The following RORA variants were observed in gnomAD, a reference collection of about 807,000 sequenced individuals.
RORA encodes nuclear receptor ROR-alpha.
Under a neutral mutation model 69.5 loss-of-function variants are expected in RORA, and 7 were observed. The ratio of observed to expected loss-of-function variants is 0.10; its 90% CI spans 0.06 to 0.19. RORA has a LOEUF of 0.19. RORA is among the 10% of genes least tolerant of loss of function. The pLI, the probability that RORA is intolerant of heterozygous loss-of-function variation, is 1.00. For synonymous variants in RORA, 261 were observed against 240.8 expected (o/e 1.08, Z -0.78); for missense variants, 457 against 663.0 (o/e 0.69, Z 3.41).
At chr15:60,740,334 C>T (rs763474489) in intron 1 of RORA, among the ~76,000 whole-genome samples, 2 of 152,148 alleles carry the variant, frequency 1.3e-5, no homozygotes, top group South Asian at 2.1e-4. Context: ...GCCCATCAAG[C>T]GAGAACTGAA....
intron 1 of RORA, among the ~76,000 whole-genome samples, chr15:60,935,381 G>C (rs1333853643): frequency 1.3e-5 from 2 of 152,220 alleles, no homozygotes; most frequent in African/African-American, 4.8e-5. Context: ...TCCCACACAA[G>C]CTGAGGAAAA....
chr15:61,098,025 C>T (rs1278212017), intron 1 of RORA, among the ~76,000 whole-genome samples: 1 of 152,032 alleles, frequency 6.6e-6, no homozygotes, highest in East Asian at 1.9e-4. Context: ...ATCTCTCCAT[C>T]TTTCCTTCCA....
At chr15:61,014,044 A>C (rs1197183295) in intron 1 of RORA, among the ~76,000 whole-genome samples, 1 of 151,954 alleles carries the variant, frequency 6.6e-6, no homozygotes, top group African/African-American at 2.4e-5. Context: ...CGGCCTCCCA[A>C]AGTGCTGGGA....
chr15:61,014,122 C>G (rs1895197339), intron 1 of RORA, among the ~76,000 whole-genome samples: 1 of 152,158 alleles, frequency 6.6e-6, no homozygotes, highest in Non-Finnish European at 1.5e-5. Flanking sequence ...ATGAAGTACT[C>G]TTGGTCAAGT....
At chr15:60,883,335 T>C (rs2073713459) in intron 1 of RORA, among the ~76,000 whole-genome samples, 1 of 152,092 alleles carries the variant, frequency 6.6e-6, no homozygotes. Flanking sequence ...ACAACATGGA[T>C]TCAGAGTATT....
intron 1 of RORA, among the ~76,000 whole-genome samples, chr15:61,146,988 A>G (rs28627134): frequency 0.041 from 6,248 of 151,842 alleles, 434 homozygotes; most frequent in African/African-American, 0.14. Flanking sequence ...CGCTTTCACA[A>G]GAAAACCCTC....
intron 2 of RORA, among the ~76,000 whole-genome samples, chr15:60,612,948 C>A (rs1007955529): frequency 6.6e-6 from 1 of 151,348 alleles, no homozygotes; most frequent in Non-Finnish European, 1.5e-5. Context: ...AAAATAACTG[C>A]AATTTTCTAG....
intron 1 of RORA, among the ~76,000 whole-genome samples, chr15:61,217,261 T>C (rs7175393): frequency 0.79 from 119,762 of 152,094 alleles, 47,554 homozygotes; most frequent in East Asian, 0.99. Flanking sequence ...GGCTCATACC[T>C]GGAAAATAAC....
At chr15:60,923,834 T>C (rs976212322) in intron 1 of RORA, among the ~76,000 whole-genome samples, 2 of 152,118 alleles carry the variant, frequency 1.3e-5, no homozygotes, top group African/African-American at 2.4e-5. Context: ...TAACTCACCA[T>C]AGGGCTTGCC....
At chr15:60,945,981 C>T (rs1458858399) in intron 1 of RORA, among the ~76,000 whole-genome samples, 3 of 152,212 alleles carry the variant, frequency 2.0e-5, no homozygotes, top group Non-Finnish European at 2.9e-5. Flanking sequence ...AGGTTCCCCA[C>T]CCTGAGTTCA....
At chr15:60,829,421 A>G (rs2073010419) in intron 1 of RORA, among the ~76,000 whole-genome samples, 1 of 152,030 alleles carries the variant, frequency 6.6e-6, no homozygotes, top group Non-Finnish European at 1.5e-5. Context: ...AGAGGTTTTA[A>G]CTTCCACCTC....
intron 1 of RORA, among the ~76,000 whole-genome samples, chr15:60,934,656 GC>G (rs1364175548): frequency 6.6e-6 from 1 of 152,152 alleles, no homozygotes; most frequent in Admixed American, 6.5e-5. Flanking sequence ...TCAAGAATTT[GC>G]ATTTCTAACA....
intron 1 of RORA, among the ~76,000 whole-genome samples, chr15:61,211,447 T>A (rs2079991020): frequency 6.6e-6 from 1 of 152,220 alleles, no homozygotes; most frequent in South Asian, 2.1e-4. Flanking sequence ...GCCTTCCCAC[T>A]GTCAGATCAA....
intron 1 of RORA, among the ~76,000 whole-genome samples, chr15:61,149,094 T>C (rs1431710104): frequency 6.6e-6 from 1 of 152,210 alleles, no homozygotes; most frequent in Non-Finnish European, 1.5e-5. Context: ...CGTAATCAAA[T>C]GTGAGCCAGG....
At chr15:60,683,020 T>G (rs905990957) in intron 1 of RORA, among the ~76,000 whole-genome samples, 4 of 152,134 alleles carry the variant, frequency 2.6e-5, no homozygotes, top group African/African-American at 9.7e-5. Flanking sequence ...AGTGACATTT[T>G]TTTTCTTCCA....
intron 1 of RORA, among the ~76,000 whole-genome samples, chr15:61,027,682 A>G (rs1321047013): frequency 6.6e-6 from 1 of 152,176 alleles, no homozygotes; most frequent in Non-Finnish European, 1.5e-5. Context: ...TTAATTCTCT[A>G]CTTTAAATCT....
In RORA at chr15:60,505,131, G is replaced by C. The variant is rs190030906; in HGVS notation, c.942+377C>G. 2.1e-3 allele frequency among the ~76,000 whole-genome samples: 314 copies of C among 152,182 alleles called. 5 individuals carry two copies. The highest frequency in any genetic ancestry group is 2.2e-4 in the Non-Finnish European group (15 of 67,996). ...ACTTCCAGAAACATGAGGCTTCCTT[G>C]TCAACTTCCAGAAACATTAGGCTGA... On this transcript the variant is annotated intron_variant, in intron 6 of 10. Coordinates refer to ENST00000335670, the MANE Select transcript of RORA (RefSeq NM_134261.3).
At chr15:60,594,239 G>T (rs1347269348) in intron 2 of RORA, among the ~76,000 whole-genome samples, 1 of 152,198 alleles carries the variant, frequency 6.6e-6, no homozygotes, top group Non-Finnish European at 1.5e-5. Flanking sequence ...TTACAATTAT[G>T]AAATTAAATC....
At chr15:61,109,366 A>T (rs911037569) in intron 1 of RORA, among the ~76,000 whole-genome samples, 23 of 152,116 alleles carry the variant, frequency 1.5e-4, no homozygotes, top group African/African-American at 5.6e-4. Context: ...ACTCAACAAA[A>T]ATTTGATAAA....
Sources: gnomAD v4.1 joint callset for allele counts (sites outside exome capture counted in the v4.1 genomes callset) on GRCh38, gnomAD v4.1.1 for gene constraint, MANE v1.5 for transcripts, NCBI Gene and HGNC (gene_info 2026-07-23, HGNC 2026-07-21) for gene names.